Variants in STARD3NL observed in about 807,000 individuals in gnomAD.
STARD3NL encodes STARD3 N-terminal-like protein.
STARD3NL carries 17 observed loss-of-function variants against 30.9 expected under a neutral mutation model. The observed-to-expected ratio is 0.55, with a 90% CI of 0.38 to 0.82. STARD3NL has a LOEUF of 0.82. Ranked by LOEUF, STARD3NL falls within the 40% of genes least tolerant of loss-of-function variation. The pLI is 0.00. For missense variants in STARD3NL, 234 were observed against 277.6 expected, an observed-to-expected ratio of 0.84 and a Z score of 1.12; for synonymous variants, 112 against 100.5, an observed-to-expected ratio of 1.11 and a Z score of -0.69.
intron 1 of STARD3NL, among the ~76,000 whole-genome samples, chr7:38,191,054 C>A (rs545029587): frequency 5.1e-4 from 78 of 152,168 alleles, no homozygotes; most frequent in African/African-American, 1.8e-3. Flanking sequence ...GCATATTATC[C>A]CCAATGAAAT....
chr7:38,211,730 T>C (rs1272424365), intron 2 of STARD3NL, among the ~76,000 whole-genome samples: 1 of 152,200 alleles, frequency 6.6e-6, no homozygotes, highest in Non-Finnish European at 1.5e-5. Context: ...TCCAGTTGGA[T>C]GTCTGACTTA....
chr7:38,204,041 T>C (rs771330663), intron 1 of STARD3NL, among the ~76,000 whole-genome samples: 2 of 152,002 alleles, frequency 1.3e-5, no homozygotes, highest in African/African-American at 2.4e-5. Context: ...TAATGGGAGA[T>C]TTTAACACCC....
intron 2 of STARD3NL, 77 bp downstream of exon 2, chr7:38,207,806 T>A: frequency 7.8e-7 from 1 of 1,287,156 alleles, no homozygotes; most frequent in Non-Finnish European, 1.1e-6. Context: ...GTTTCTCTTA[T>A]CATTTGTTTC....
chr7:38,215,884 C>A (rs1000895140), intron 4 of STARD3NL: 1 of 152,238 alleles, frequency 6.6e-6, no homozygotes, highest in Admixed American at 6.5e-5. Flanking sequence ...CTTGTGCTGC[C>A]CTCCTGAGTC....
At chr7:38,221,861 T>C (rs1786483820) in intron 7 of STARD3NL, among the ~76,000 whole-genome samples, 2 of 152,212 alleles carry the variant, frequency 1.3e-5, no homozygotes, top group South Asian at 4.1e-4. Context: ...CCTCCAGCCA[T>C]TGTCCACCTT....
intron 7 of STARD3NL, among the ~76,000 whole-genome samples, chr7:38,220,755 G>A (rs540555038): frequency 6.6e-6 from 1 of 152,324 alleles, no homozygotes; most frequent in East Asian, 1.9e-4. Flanking sequence ...GCTGTCAGCA[G>A]ATGGGTGGAT....
intron 1 of STARD3NL, among the ~76,000 whole-genome samples, chr7:38,180,439 A>G (rs1350390711): frequency 1.3e-5 from 2 of 152,240 alleles, no homozygotes; most frequent in African/African-American, 2.4e-5. Flanking sequence ...GCCAAATTCT[A>G]GGAAGCTGCA....
At chr7:38,197,739 A>G (rs1466472212) in intron 1 of STARD3NL, among the ~76,000 whole-genome samples, 1 of 151,910 alleles carries the variant, frequency 6.6e-6, no homozygotes, top group Non-Finnish European at 1.5e-5. Flanking sequence ...GTGTTTTAGT[A>G]CTCTGGATTA....
intron 1 of STARD3NL, among the ~76,000 whole-genome samples, chr7:38,193,974 A>G (rs1432019268): frequency 6.6e-6 from 1 of 152,142 alleles, no homozygotes; most frequent in Non-Finnish European, 1.5e-5. Context: ...AACATTCTGA[A>G]TCAATATGTA....
At chr7:38,212,951 G>A (rs1478786091) in intron 2 of STARD3NL, among the ~76,000 whole-genome samples, 1 of 152,158 alleles carries the variant, frequency 6.6e-6, no homozygotes, top group East Asian at 1.9e-4. Context: ...GTATAAGTTA[G>A]GGATAGAGAT....
intron 2 of STARD3NL, among the ~76,000 whole-genome samples, chr7:38,213,362 C>T (rs1785920308): frequency 6.6e-6 from 1 of 152,142 alleles, no homozygotes; most frequent in South Asian, 2.1e-4. Context: ...AAGGGATTTT[C>T]GGGCACAGGA....
chr7:38,216,631 G>A, intron 4 of STARD3NL: 1 of 182,242 alleles, frequency 5.5e-6, no homozygotes, highest in Non-Finnish European at 1.1e-5. Flanking sequence ...TGAAGGAACA[G>A]TGACAAGGCT....
rs954086333 is a variant in STARD3NL, at chr7:38,178,307, T to C, written c.-172T>C. On this transcript the variant is annotated 5_prime_UTR_variant, in exon 1 of 9. Transcript: ENST00000009041. ...GGGCGGTGGGCTGCGCGTTGTCCGC[T>C]GGACTGGGTCCCGGTCACGCCCCGC... is the stretch of plus-strand genomic sequence containing the variant. 6.6e-6 allele frequency: 1 copy of C among 151,992 alleles called. No individual in the cohort carries two copies. The highest frequency in any genetic ancestry group is 2.4e-5 in the African/African-American group (1 of 41,364). 9.4% of individuals were successfully genotyped at this position (151,992 alleles called of 1,614,324 possible).
chr7:38,199,623 G>A (rs1275643100), intron 1 of STARD3NL, among the ~76,000 whole-genome samples: 1 of 152,184 alleles, frequency 6.6e-6, no homozygotes, highest in East Asian at 1.9e-4. Flanking sequence ...TGACTGCCTG[G>A]AGGTTGGAAT....
chr7:38,184,961 A>C (rs1172538357), intron 1 of STARD3NL, among the ~76,000 whole-genome samples: 2 of 151,860 alleles, frequency 1.3e-5, no homozygotes, highest in African/African-American at 4.8e-5. Context: ...AACTTTATGA[A>C]ATTAAAGAGA....
intron 3 of STARD3NL, 42 bp from the exon 4 acceptor site, chr7:38,214,986 G>C (rs1292249161): frequency 6.4e-7 from 1 of 1,553,922 alleles, no homozygotes; most frequent in Non-Finnish European, 8.8e-7. Context: ...TGTCATTTTT[G>C]TATATATTTT....
intron 7 of STARD3NL, among the ~76,000 whole-genome samples, chr7:38,222,871 T>C: frequency 6.6e-6 from 1 of 152,110 alleles, no homozygotes; most frequent in Admixed American, 6.5e-5. Context: ...TAGGAAAGAA[T>C]TAAAAATGAA....
chr7:38,200,244 C>T (rs1170107517), intron 1 of STARD3NL, among the ~76,000 whole-genome samples: 1 of 152,122 alleles, frequency 6.6e-6, no homozygotes, highest in Non-Finnish European at 1.5e-5. Flanking sequence ...AAGCCCCCAC[C>T]CCAGACTGCT....
At chr7:38,223,604 T>C (rs1562626936) in intron 7 of STARD3NL, among the ~76,000 whole-genome samples, 3 of 152,254 alleles carry the variant, frequency 2.0e-5, no homozygotes, top group South Asian at 2.1e-4. Flanking sequence ...AGCCTTGCCT[T>C]CTTCTGGTTG....
Sources: gnomAD v4.1 joint callset for allele counts (sites outside exome capture counted in the v4.1 genomes callset) on GRCh38, gnomAD v4.1.1 for gene constraint, MANE v1.5 for transcripts, NCBI Gene and HGNC (gene_info 2026-07-23, HGNC 2026-07-21) for gene names.